Variants in CCDC172 observed in about 807,000 individuals in gnomAD.
The protein encoded by CCDC172 is coiled-coil domain-containing protein 172.
A neutral mutation model predicts 38.0 loss-of-function variants in CCDC172; 30 were observed. The observed-to-expected ratio is 0.79, with a 90% confidence interval of 0.59 to 1.07. The LOEUF (loss-of-function observed/expected upper bound fraction) is 1.07. Ranked by LOEUF, CCDC172 falls within the 50% of genes least tolerant of loss-of-function variation. CCDC172 has a pLI of 0.00. For missense variants in CCDC172, 297 were observed against 290.1 expected (o/e 1.02, Z -0.17); for synonymous variants, 78 against 88.3 (o/e 0.88, Z 0.66).
intron 5 of CCDC172, among the ~76,000 whole-genome samples, chr10:116,344,610 G>A (rs969717426): frequency 1.4e-4 from 22 of 152,148 alleles, no homozygotes; most frequent in Non-Finnish European, 2.5e-4. Flanking sequence ...ATTACTGTAT[G>A]CTACTGTAAA....
intron 7 of CCDC172, among the ~76,000 whole-genome samples, chr10:116,359,822 TC>T (rs1330022577): frequency 2.6e-5 from 4 of 152,242 alleles, no homozygotes; most frequent in Non-Finnish European, 5.9e-5. Flanking sequence ...CTTTATTTTG[TC>T]TATATTGAAA....
chr10:116,358,528 A>T (rs1845028189), intron 7 of CCDC172, among the ~76,000 whole-genome samples: 2 of 152,296 alleles, frequency 1.3e-5, no homozygotes, highest in Middle Eastern at 6.8e-3. Context: ...TTAATTTTAA[A>T]GAAGTTCCTG....
intron 3 of CCDC172, among the ~76,000 whole-genome samples, chr10:116,337,659 G>A (rs186916232): frequency 6.6e-6 from 1 of 152,206 alleles, no homozygotes; most frequent in Admixed American, 6.5e-5. Flanking sequence ...AAATGTTCAA[G>A]CTACATAGAT....
In CCDC172 at chr10:116,342,224, T is replaced by A. The variant is rs761369245; in HGVS notation, c.448+23T>A. The A allele has an allele frequency of 3.9e-5, 59 of 1,508,642 alleles. 1 individual carries two copies. The South Asian group carries it at 7.4e-4, about 19-fold the overall frequency. The allele number at this position is 1,508,642 out of a possible 1,614,324, so 93.5% of individuals were successfully genotyped here. On this transcript the variant is annotated intron_variant, in intron 5 of 8. Transcript: ENST00000333254. ...GTGGTATGAATAAATATCACCTCATTTGTCTTGCATTAATGAAAATAACTT... is the reference window on the plus strand; with the variant it reads ...GTGGTATGAATAAATATCACCTCATATGTCTTGCATTAATGAAAATAACTT...
intron 3 of CCDC172, among the ~76,000 whole-genome samples, chr10:116,329,441 T>C (rs915361829): frequency 6.6e-6 from 1 of 152,098 alleles, no homozygotes; most frequent in Non-Finnish European, 1.5e-5. Context: ...TATTCTGTCA[T>C]GCACGCTCAC....
intron 5 of CCDC172, among the ~76,000 whole-genome samples, chr10:116,344,085 AT>A (rs1242590983): frequency 6.6e-6 from 1 of 152,224 alleles, no homozygotes; most frequent in Non-Finnish European, 1.5e-5. Context: ...TAAAAGGACA[AT>A]ATAGAAATTA....
intron 7 of CCDC172, among the ~76,000 whole-genome samples, chr10:116,363,957 A>C (rs1040517211): frequency 1.3e-5 from 2 of 151,752 alleles, no homozygotes; most frequent in African/African-American, 4.8e-5. Flanking sequence ...AAATAATAAT[A>C]ATAGATTTAA....
chr10:116,353,412 G>A (rs1030141785), intron 5 of CCDC172, among the ~76,000 whole-genome samples: 10 of 152,142 alleles, frequency 6.6e-5, no homozygotes, highest in Non-Finnish European at 1.3e-4. Flanking sequence ...AAAAACTCTT[G>A]TGTTTCAAAG....
At chr10:116,338,384 T>C (rs1265316952) in intron 3 of CCDC172, among the ~76,000 whole-genome samples, 3 of 151,752 alleles carry the variant, frequency 2.0e-5, no homozygotes, top group Admixed American at 2.0e-4. Flanking sequence ...GAGACAAATA[T>C]GGAAGTAAAC....
At chr10:116,354,332 A>G (rs1844968031) in intron 5 of CCDC172, among the ~76,000 whole-genome samples, 1 of 152,152 alleles carries the variant, frequency 6.6e-6, no homozygotes, top group South Asian at 2.1e-4. Context: ...TATTCCTCCT[A>G]CTTATTAAAA....
intron 3 of CCDC172, among the ~76,000 whole-genome samples, chr10:116,331,977 C>T (rs1333270639): frequency 6.6e-6 from 1 of 152,188 alleles, no homozygotes; most frequent in Non-Finnish European, 1.5e-5. Context: ...TACACTGCAT[C>T]TCTAGGGCAA....
chr10:116,344,797 A>T (rs889789385), intron 5 of CCDC172, among the ~76,000 whole-genome samples: 2 of 151,300 alleles, frequency 1.3e-5, no homozygotes, highest in Admixed American at 1.3e-4. Context: ...TATACAAAAA[A>T]TTTTTTTCTT....
chr10:116,377,389 A>T (rs189708757), intron 7 of CCDC172, among the ~76,000 whole-genome samples: 2 of 152,274 alleles, frequency 1.3e-5, no homozygotes, highest in East Asian at 3.9e-4. Flanking sequence ...TTTTGGTTTG[A>T]TCATTTCAAA....
At chr10:116,375,179 T>C (rs930368764) in intron 7 of CCDC172, among the ~76,000 whole-genome samples, 6 of 152,172 alleles carry the variant, frequency 3.9e-5, no homozygotes, top group East Asian at 1.9e-4. Context: ...GCTTTTACTT[T>C]ATAATGGCTT....
chr10:116,355,534 T>A (rs947538515), intron 5 of CCDC172, among the ~76,000 whole-genome samples: 3 of 152,182 alleles, frequency 2.0e-5, no homozygotes, highest in African/African-American at 7.2e-5. Context: ...TTCATAGCAT[T>A]ATTCGTAGTA....
intron 5 of CCDC172, among the ~76,000 whole-genome samples, chr10:116,356,941 A>G (rs1845004187): frequency 6.6e-6 from 1 of 152,080 alleles, no homozygotes. Context: ...TTTCTTAAAA[A>G]GAGTTACTAG....
At chr10:116,342,300 G>T in intron 5 of CCDC172, 99 bp downstream of exon 5, 1 of 958,072 alleles carries the variant, frequency 1.0e-6, no homozygotes, top group Non-Finnish European at 1.5e-6. Flanking sequence ...TGAGCAAATT[G>T]GGTTATTGCA....
chr10:116,324,856 A>C, intron 1 of CCDC172, 91 bp from the exon 2 acceptor site: 2 of 646,412 alleles, frequency 3.1e-6, no homozygotes, highest in Non-Finnish European at 5.4e-6. Context: ...GTCGGGCTCC[A>C]TCTTCTTGCT....
chr10:116,374,637 T>A (rs1845224443), intron 7 of CCDC172, among the ~76,000 whole-genome samples: 1 of 151,594 alleles, frequency 6.6e-6, no homozygotes, highest in Non-Finnish European at 1.5e-5. Context: ...ATAGAGGAGA[T>A]AAAATGTAAT....
Sources: allele counts gnomAD v4.1 joint callset (sites outside exome capture counted in the v4.1 genomes callset), GRCh38; gene constraint gnomAD v4.1.1; transcripts MANE v1.5; gene names NCBI Gene and HGNC (gene_info 2026-07-23, HGNC 2026-07-21).